The following ARID1B variants were observed in gnomAD, a reference collection of about 807,000 sequenced individuals.
The protein encoded by ARID1B is AT-rich interaction domain 1B.
Under a neutral mutation model 212.3 loss-of-function variants are expected in ARID1B, and 30 were observed. That is an observed-to-expected ratio of 0.14 (90% CI 0.11 to 0.19). The LOEUF is 0.19. Among genes scored for constraint, ARID1B ranks in the 10% least tolerant of loss-of-function variants. The pLI is 1.00. For synonymous variants in ARID1B, 1,402 were observed against 1,301.7 expected (o/e 1.08, Z -1.66); for missense variants, 2,891 against 3,204.0 (o/e 0.90, Z 2.36).
At chr6:157,023,196 C>T (rs1444418762) in intron 4 of ARID1B, 2 of 152,154 alleles carry the variant, frequency 1.3e-5, no homozygotes, top group East Asian at 3.8e-4. Flanking sequence ...TCTTGTATTC[C>T]ATATCCTCTC....
At chr6:156,823,897 T>C (rs542292721) in intron 1 of ARID1B, among the ~76,000 whole-genome samples, 11 of 152,166 alleles carry the variant, frequency 7.2e-5, no homozygotes, top group Admixed American at 4.6e-4. Context: ...TATCTAAATA[T>C]AAAAAGGATA....
chr6:157,147,057 TAAC>T (rs1789782016), intron 7 of ARID1B, among the ~76,000 whole-genome samples: 2 of 152,076 alleles, frequency 1.3e-5, no homozygotes, highest in Non-Finnish European at 2.9e-5. Flanking sequence ...GCAAAGCACT[TAAC>T]CAAGTGCCCA....
At chr6:157,113,820 A>G (rs1202937832) in intron 6 of ARID1B, among the ~76,000 whole-genome samples, 1 of 152,250 alleles carries the variant, frequency 6.6e-6, no homozygotes, top group Non-Finnish European at 1.5e-5. Flanking sequence ...TTACGTTAGA[A>G]GATGCTTTGC....
intron 4 of ARID1B, among the ~76,000 whole-genome samples, chr6:156,968,019 C>T (rs1356089062): frequency 6.6e-6 from 1 of 152,190 alleles, no homozygotes; most frequent in Non-Finnish European, 1.5e-5. Context: ...GTCCTTTTCT[C>T]CTCTTAGGTC....
chr6:157,031,866 C>T (rs1336934906), intron 4 of ARID1B, among the ~76,000 whole-genome samples: 3 of 151,976 alleles, frequency 2.0e-5, no homozygotes, highest in Non-Finnish European at 2.9e-5. Context: ...TGCGATCTCA[C>T]GGCAACCTCC....
intron 4 of ARID1B, among the ~76,000 whole-genome samples, chr6:156,946,457 A>G (rs9480414): frequency 0.041 from 6,181 of 152,288 alleles, 357 homozygotes; most frequent in African/African-American, 0.13. Flanking sequence ...TTTTAAAGAC[A>G]GGGCTTCCTG....
intron 3 of ARID1B, among the ~76,000 whole-genome samples, chr6:156,931,378 A>C (rs538624940): frequency 6.6e-6 from 1 of 152,272 alleles, no homozygotes; most frequent in African/African-American, 2.4e-5. Context: ...TGGCCTTTCT[A>C]CTAGGCCCTT....
chr6:156,864,528 T>A (rs1324005793), intron 2 of ARID1B, among the ~76,000 whole-genome samples: 2 of 152,256 alleles, frequency 1.3e-5, no homozygotes, highest in Admixed American at 1.3e-4. Context: ...GTAAATGGTT[T>A]ACAGAGTCCA....
At chr6:156,915,206 G>T (rs1191331950) in intron 3 of ARID1B, among the ~76,000 whole-genome samples, 1 of 152,154 alleles carries the variant, frequency 6.6e-6, no homozygotes, top group Non-Finnish European at 1.5e-5. Flanking sequence ...GTTCCTTTGT[G>T]CAGTATAGAT....
intron 1 of ARID1B, among the ~76,000 whole-genome samples, chr6:156,809,687 G>A (rs1024223185): frequency 2.2e-5 from 3 of 133,936 alleles, no homozygotes; most frequent in Middle Eastern, 8.4e-3. Context: ...ATTGTCAAGA[G>A]CATGTGAAGA....
chr6:156,822,927 G>A (rs1002709089), intron 1 of ARID1B, among the ~76,000 whole-genome samples: 1 of 152,154 alleles, frequency 6.6e-6, no homozygotes, highest in African/African-American at 2.4e-5. Context: ...CCAGAGTACT[G>A]TTTGTAATAT....
intron 4 of ARID1B, among the ~76,000 whole-genome samples, chr6:157,046,674 G>A (rs925332576): frequency 3.9e-5 from 6 of 152,144 alleles, no homozygotes; most frequent in Admixed American, 1.3e-4. Flanking sequence ...ATAGAATTTT[G>A]TTGTTGTATT....
At chr6:156,984,806 G>C (rs556293322) in intron 4 of ARID1B, 1 of 152,198 alleles carries the variant, frequency 6.6e-6, no homozygotes, top group Non-Finnish European at 1.5e-5. Context: ...TCCCACCTCA[G>C]CCTCATGAGT....
chr6:156,947,427 GT>G (rs201419196), intron 4 of ARID1B, among the ~76,000 whole-genome samples: 1,537 of 152,108 alleles, frequency 0.01, 10 homozygotes, highest in Middle Eastern at 0.02. Context: ...GCCTTTACTT[GT>G]TTTTTTCTTT....
Position 157,028,527 on chromosome 6 carries a change from G to A in ARID1B, c.2248-56135G>A, listed in dbSNP as rs527525964. Among the ~76,000 whole-genome samples, 147 of 152,276 alleles carry A rather than the reference G, an allele frequency of 9.7e-4. 1 individual carries two copies. The highest frequency in any genetic ancestry group is 3.4e-3 in the African/African-American group (142 of 41,576). Reference sequence around the variant, plus strand: ...CATACACATGTGTTGCATTGGAAAGGCCAAATGAAATAATGAATAGATAAC... The same window carrying A: ...CATACACATGTGTTGCATTGGAAAGACCAAATGAAATAATGAATAGATAAC... On this transcript the variant is annotated intron_variant, in intron 4 of 19. Coordinates refer to ENST00000636930, the MANE Select transcript of ARID1B (RefSeq NM_001374828.1).
At chr6:156,965,391 C>T (rs1439435966) in intron 4 of ARID1B, among the ~76,000 whole-genome samples, 1 of 152,192 alleles carries the variant, frequency 6.6e-6, no homozygotes, top group African/African-American at 2.4e-5. Context: ...CTCTTTCTTG[C>T]TCAGTCTTCT....
chr6:157,192,970 AG>A, intron 15 of ARID1B, among the ~76,000 whole-genome samples: 1 of 152,312 alleles, frequency 6.6e-6, no homozygotes, highest in South Asian at 2.1e-4. Flanking sequence ...GTTAACCTGT[AG>A]TACAAGTAGC....
chr6:156,978,082 G>A lies in ARID1B; in HGVS notation c.2247+42506G>A, dbSNP rs549662644. ...GTTTCTTCACACACACAGGCTGAAC[G>A]TGACTCTGCCGAGTATGGGAGGGAA... On this transcript the variant is annotated intron_variant, in intron 4 of 19. Coordinates refer to ENST00000636930, the MANE Select transcript of ARID1B (RefSeq NM_001374828.1). 1.1e-4 allele frequency among the ~76,000 whole-genome samples: 17 copies of A among 152,312 alleles called. No homozygotes were observed. The South Asian group carries it at 3.5e-3, about 32-fold the overall frequency.
chr6:156,810,975 A>G (rs1781516151), intron 1 of ARID1B, among the ~76,000 whole-genome samples: 1 of 152,186 alleles, frequency 6.6e-6, no homozygotes, highest in South Asian at 2.1e-4. Flanking sequence ...TTGGGGTCGT[A>G]GAGGCTGTAA....
Sources: gnomAD v4.1 joint callset for allele counts (sites outside exome capture counted in the v4.1 genomes callset) on GRCh38, gnomAD v4.1.1 for gene constraint, MANE v1.5 for transcripts, NCBI Gene and HGNC (gene_info 2026-07-23, HGNC 2026-07-21) for gene names.